The following IL16 variants were observed in gnomAD, a reference collection of about 807,000 sequenced individuals.
IL16 encodes interleukin 16, also known as pro-interleukin-16.
Under a neutral mutation model 110.1 loss-of-function variants are expected in IL16, and 67 were observed. The observed-to-expected ratio is 0.61, with a 90% confidence interval of 0.50 to 0.75. IL16 has a LOEUF of 0.75. Ranked by LOEUF, IL16 falls within the 30% of genes least tolerant of loss-of-function variation. The pLI is 0.00. For synonymous variants in IL16, 689 were observed against 662.9 expected, an observed-to-expected ratio of 1.04 and a Z score of -0.61; for missense variants, 1,545 against 1,655.0, an observed-to-expected ratio of 0.93 and a Z score of 1.15.
intron 12 of IL16, among the ~76,000 whole-genome samples, chr15:81,293,916 G>A (rs1899863780): frequency 6.6e-6 from 1 of 152,148 alleles, no homozygotes; most frequent in Non-Finnish European, 1.5e-5. Context: ...TGCAAAGAGG[G>A]AACTGAGAAA....
At chr15:81,204,943 A>G (rs909287285) in intron 1 of IL16, among the ~76,000 whole-genome samples, 13 of 152,164 alleles carry the variant, frequency 8.5e-5, no homozygotes, top group African/African-American at 3.1e-4. Flanking sequence ...AAAAAAATTG[A>G]CAGGCCACAA....
chr15:81,236,313 T>C (rs1897174511), intron 2 of IL16, among the ~76,000 whole-genome samples: 1 of 152,214 alleles, frequency 6.6e-6, no homozygotes, highest in Admixed American at 6.5e-5. Context: ...TGCCTGCCTC[T>C]TCCTGCCGCA....
intron 10 of IL16, among the ~76,000 whole-genome samples, chr15:81,287,588 C>G (rs1470106698): frequency 6.6e-6 from 1 of 152,056 alleles, no homozygotes. Flanking sequence ...GTGATATTTC[C>G]CCCCCAACTC....
At chr15:81,195,654 C>T (rs1348181803), upstream of IL16, among the ~76,000 whole-genome samples, 1 of 152,172 alleles carries the variant, frequency 6.6e-6, no homozygotes, top group Non-Finnish European at 1.5e-5. Context: ...GGGCTTCCTA[C>T]AGGTTGCACC....
chr15:81,198,360 C>T (rs188789958), intron 1 of IL16, among the ~76,000 whole-genome samples: 5 of 152,190 alleles, frequency 3.3e-5, no homozygotes, highest in East Asian at 1.9e-4. Flanking sequence ...CTCAGCTAGA[C>T]GTTCCCAGGA....
At chr15:81,227,810 G>A (rs1595968775) in intron 2 of IL16, among the ~76,000 whole-genome samples, 1 of 152,148 alleles carries the variant, frequency 6.6e-6, no homozygotes, top group African/African-American at 2.4e-5. Context: ...GGTGGTGGTG[G>A]TAGAGGCACT....
intron 1 of IL16, among the ~76,000 whole-genome samples, chr15:81,186,929 G>A (rs1203178690): frequency 1.3e-5 from 2 of 152,120 alleles, no homozygotes; most frequent in African/African-American, 4.8e-5. Context: ...AAAGTGCTGA[G>A]ATTACAAGAG....
At chr15:81,301,621 C>A in intron 15 of IL16, 109 bp downstream of exon 15, 1 of 908,994 alleles carries the variant, frequency 1.1e-6, no homozygotes. Context: ...TCACATCAGA[C>A]CCAGGTTGCG....
At position 81,232,621 on chromosome 15, in the gene IL16, G is replaced by A. The variant is rs541745187; in HGVS notation, c.312+6910G>A. ...CCTGCATTTATTGAGATGCTCGTAT[G>A]GAGTTTTATACTTTACTTTTTCATG... On this transcript the variant is annotated intron_variant, in intron 2 of 18. Transcript: ENST00000683961. Among the ~76,000 whole-genome samples the A allele has an allele frequency of 6.6e-5, 10 of 152,216 alleles. No individual in the cohort carries two copies. In the South Asian group the frequency reaches 2.1e-3, roughly 32 times the overall value.
At chr15:81,259,303 A>G (rs1898067835) in intron 2 of IL16, among the ~76,000 whole-genome samples, 1 of 152,152 alleles carries the variant, frequency 6.6e-6, no homozygotes, top group South Asian at 2.1e-4. Flanking sequence ...TCTAAAACAT[A>G]CCTTCCAGGC....
intron 16 of IL16, 130 bp from the exon 17 acceptor site, chr15:81,305,778 A>T: frequency 8.7e-7 from 1 of 1,144,894 alleles, no homozygotes. Flanking sequence ...CCAATCTAGG[A>T]CACAATTATC....
Position 81,225,626 on chromosome 15 carries a change from A to T in IL16, c.227A>T (p.Asp76Val), listed in dbSNP as rs200742971. The change falls in exon 2 of 19, where the codon GAT (aspartate) becomes GTT (valine). Residue 76 changes from aspartate (D) to valine (V), a missense_variant. Physicochemically the swap from Asp to Val is radical, Grantham distance 152 (BLOSUM62 -3). Transcript: ENST00000683961. ...TSEAGPSSVP[D>V]LALASEAAQL... ...GAGGCTGGGCCCAGCAGTGTTCCTG[A>T]TCTAGCACTGGCCTCGGAGGCTGCT... The T allele has an allele frequency of 1.4e-5, 22 of 1,613,906 alleles. No homozygotes were observed. Among genetic ancestry groups the T allele is most frequent in the Non-Finnish European group, 2.5e-6 (3 of 1,179,994 alleles).
At chr15:81,236,692 ATGCC>A (rs1897186489) in intron 2 of IL16, among the ~76,000 whole-genome samples, 1 of 152,202 alleles carries the variant, frequency 6.6e-6, no homozygotes, top group South Asian at 2.1e-4. Context: ...GCGGTGGCTC[ATGCC>A]TGTAATTACA....
chr15:81,295,638 G>T (rs1210806204), intron 12 of IL16: 23 of 475,800 alleles, frequency 4.8e-5, no homozygotes, highest in Non-Finnish European at 6.8e-5. Context: ...TTAAGGGCTA[G>T]TTCGAGAAGC....
chr15:81,197,183 G>T, intron 1 of IL16, 31 bp downstream of exon 1: 1 of 1,273,064 alleles, frequency 7.9e-7, no homozygotes, highest in African/African-American at 1.5e-5. Context: ...CAGCTGCTCT[G>T]TCCAGGTGGC....
At chr15:81,230,916 G>T (rs1418749622) in intron 2 of IL16, among the ~76,000 whole-genome samples, 2 of 152,120 alleles carry the variant, frequency 1.3e-5, no homozygotes, top group East Asian at 3.9e-4. Context: ...GAGCATGGGG[G>T]ATGCAGGTGA....
chr15:81,286,510 C>T (rs1463170509), intron 10 of IL16, among the ~76,000 whole-genome samples: 2 of 152,078 alleles, frequency 1.3e-5, no homozygotes, highest in East Asian at 1.9e-4. Context: ...GTTGGCAGGG[C>T]ATTGGGGTTA....
At chr15:81,262,825 G>A (rs1231705221) in intron 3 of IL16, among the ~76,000 whole-genome samples, 1 of 152,206 alleles carries the variant, frequency 6.6e-6, no homozygotes, top group African/African-American at 2.4e-5. Flanking sequence ...CAGCTACTCA[G>A]GAGGCTGAGG....
chr15:81,195,004 T>A (rs1253539456), upstream of IL16, among the ~76,000 whole-genome samples: 3 of 152,044 alleles, frequency 2.0e-5, no homozygotes, highest in Non-Finnish European at 4.4e-5. Flanking sequence ...CTATGGAGTG[T>A]TGGGCAGGGT....
Sources: allele counts gnomAD v4.1 joint callset (sites outside exome capture counted in the v4.1 genomes callset), GRCh38; gene constraint gnomAD v4.1.1; transcripts MANE v1.5; gene names NCBI Gene and HGNC (gene_info 2026-07-23, HGNC 2026-07-21).